Variants in OXA1L observed in about 807,000 individuals in gnomAD.
The protein encoded by OXA1L is OXA1L mitochondrial inner membrane insertase, also known as mitochondrial inner membrane protein OXA1L.
In OXA1L, 42 loss-of-function variants were observed where a neutral mutation model predicts 52.2. The ratio of observed to expected loss-of-function variants is 0.80; its 90% CI spans 0.63 to 1.04. OXA1L has a LOEUF of 1.04. Among genes scored for constraint, OXA1L ranks in the 50% least tolerant of loss-of-function variants. The probability of loss-of-function intolerance (pLI) is 0.00; values close to 1 mark genes in which losing one functional copy is unlikely to be tolerated. For synonymous variants in OXA1L, 239 were observed against 201.9 expected, an observed-to-expected ratio of 1.18 and a Z score of -1.56; for missense variants, 572 against 555.0, an observed-to-expected ratio of 1.03 and a Z score of -0.31.
intron 1 of OXA1L, 41 bp from the exon 2 acceptor site, chr14:22,767,207 G>A (rs757162454): frequency 1.9e-6 from 3 of 1,580,082 alleles, no homozygotes; most frequent in Non-Finnish European, 1.7e-6. Flanking sequence ...GAGGACTTCT[G>A]CTCCCGGTAA....
In OXA1L at chr14:22,767,878, G is replaced by C. The variant is rs1359156223; in HGVS notation, c.226-80G>C. 5 of 1,100,980 alleles carry C rather than the reference G, an allele frequency of 4.5e-6. No homozygotes were observed. The Admixed American group carries it at 1.1e-4, about 25-fold the overall frequency. The allele number at this position is 1,100,980 out of a possible 1,614,324, so 68.2% of individuals were successfully genotyped here. A position where few individuals can be genotyped will look rare whatever the true frequency, so the allele number is the denominator to read the frequency against. On this transcript the variant is annotated intron_variant, in intron 2 of 9. Transcript: ENST00000612549. The stretch of plus-strand genomic sequence containing the variant: ...CAAGAAGTAGAGAGAACAGAACCCA[G>C]TACTGGTTATTATAAAAAGATCTCA...
rs544179170 is a variant in OXA1L, at chr14:22,771,128, T to C, written c.1050T>C (p.His350=). The C allele has an allele frequency of 4.3e-6, 7 of 1,614,148 alleles. No homozygotes were observed. In the African/African-American group the frequency reaches 9.3e-5, roughly 22 times the overall value. Residue 350 remains histidine (H), a synonymous_variant, in exon 8 of 10, where the codon CAT becomes CAC. Transcript: ENST00000612549. Reference sequence around the variant, plus strand: ...TTAAAATCCCCCAGCGTGTTGTACATGACCTGGACAAATTACCTCCACGGG... The same window carrying C: ...TTAAAATCCCCCAGCGTGTTGTACACGACCTGGACAAATTACCTCCACGGG... ...TVLKIPQRVV[H]DLDKLPPREG...
In OXA1L at chr14:22,769,807, C is replaced by G; in HGVS notation, c.456C>G (p.Arg152=). Residue 152 remains arginine, a synonymous_variant, in exon 4 of 10, where the codon CGC becomes CGG. Coordinates refer to ENST00000612549, the MANE Select transcript of OXA1L (RefSeq NM_005015.5). ...GAIAACTVFA[R]CLIFPLIVTG... is the part of the protein sequence containing the mutation. The stretch of plus-strand genomic sequence containing the variant: ...ATTTTCCAGGTACAGTCTTTGCCCG[C>G]TGCCTGATTTTTCCTCTCATCGTGA... The G allele has an allele frequency of 6.2e-7, 1 of 1,614,218 alleles. No individual in the cohort carries two copies. The highest frequency in any genetic ancestry group is 8.5e-7 in the Non-Finnish European group (1 of 1,180,038).
chr14:22,767,985 A>C lies in OXA1L; in HGVS notation c.253A>C (p.Thr85Pro). ...TCAGGCCCCTCCTGTTGTTGCTGCA[A>C]CTCCCTCACCCACAGCAGTACCTGA... ...QVQAPPVVAA[T>P]PSPTAVPEVA... Residue 85 changes from threonine (T) to proline (P), a missense_variant, in exon 3 of 10, where the codon ACT (threonine) becomes CCT (proline). Thr to Pro is a conservative substitution (Grantham distance 38). Transcript: ENST00000612549. The C allele has an allele frequency of 1.2e-6, 2 of 1,612,992 alleles. No individual in the cohort carries two copies. Among genetic ancestry groups the C allele is most frequent in the South Asian group, 1.1e-5 (1 of 91,066 alleles).
In OXA1L at chr14:22,772,951, C is replaced by T. The variant is rs959607423; in HGVS notation, c.*1393C>T. On this transcript the variant is annotated 3_prime_UTR_variant, in exon 10 of 10. Coordinates refer to ENST00000612549, the MANE Select transcript of OXA1L (RefSeq NM_005015.5). ...GCTGCAGTGATCCAAGATCATGCTG[C>T]TATACTCCAGCCTTGGCTACAGAGC... The T allele has an allele frequency of 4.4e-6, 1 of 229,544 alleles. No individual in the cohort carries two copies. The highest frequency in any genetic ancestry group is 8.6e-6 in the Non-Finnish European group (1 of 115,826). The allele number at this position is 229,544 out of a possible 1,614,324, so 14.2% of individuals were successfully genotyped here. A position where few individuals can be genotyped will look rare whatever the true frequency, so the allele number is the denominator to read the frequency against.
At chr14:22,770,961 C>T (rs1017390259) in intron 7 of OXA1L, 52 bp downstream of exon 7, 1 of 1,612,680 alleles carries the variant, frequency 6.2e-7, no homozygotes, top group Non-Finnish European at 8.5e-7. Context: ...AGCCTAGCCA[C>T]CTAGCAAGCT....
At position 22,772,659 on chromosome 14, in the gene OXA1L, A is replaced by T. The variant is rs1346214748; in HGVS notation, c.*1101A>T. On this transcript the variant is annotated 3_prime_UTR_variant, in exon 10 of 10. Coordinates refer to ENST00000612549, the MANE Select transcript of OXA1L (RefSeq NM_005015.5). ...TCTTGATCCCAAGATTACTTTAAAA[A>T]TTTCAAGAAGTAGATGTGTGCAAAT... 6.6e-6 allele frequency: 1 copy of T among 152,300 alleles called. No homozygotes were observed. The highest frequency in any genetic ancestry group is 1.9e-4 in the East Asian group (1 of 5,208). 9.4% of individuals were successfully genotyped at this position (152,300 alleles called of 1,614,324 possible).
chr14:22,767,194 C>T (rs1278324080), intron 1 of OXA1L, 54 bp from the exon 2 acceptor site: 2 of 1,571,840 alleles, frequency 1.3e-6, no homozygotes, highest in African/African-American at 1.4e-5. Context: ...TTTGCACCCA[C>T]GCGAGGACTT....
intron 3 of OXA1L, among the ~76,000 whole-genome samples, chr14:22,769,250 T>A (rs1449473174): frequency 6.6e-6 from 1 of 152,192 alleles, no homozygotes; most frequent in African/African-American, 2.4e-5. Context: ...TCTCTGCCCA[T>A]GATTTCATTT....
rs2038451987 is a variant in OXA1L at position 22,770,799 on chromosome 14, T to C, written c.835-6T>C. On this transcript the variant is annotated splice_region_variant and splice_polypyrimidine_tract_variant and intron_variant, in intron 6 of 9. Transcript: ENST00000612549. Reference sequence around the variant, plus strand: ...CCCGACTTTTCCACCCCACTTCTTTTGGCAGCTAGGTGCTGAGACAGGTGT... The same window carrying C: ...CCCGACTTTTCCACCCCACTTCTTTCGGCAGCTAGGTGCTGAGACAGGTGT... 1 of 1,613,240 alleles carries C rather than the reference T, an allele frequency of 6.2e-7. No homozygotes were observed.
At chr14:22,769,190 C>G (rs1160336285) in intron 3 of OXA1L, among the ~76,000 whole-genome samples, 1 of 152,188 alleles carries the variant, frequency 6.6e-6, no homozygotes, top group Non-Finnish European at 1.5e-5. Context: ...TACCCATTAA[C>G]TATTCCCAAC....
In OXA1L at chr14:22,770,260, C is replaced by T; in HGVS notation, c.651C>T (p.Leu217=). Residue 217 remains leucine (L), a synonymous_variant, in exon 5 of 10, where the codon CTC becomes CTT. Transcript: ENST00000612549. The stretch of plus-strand genomic sequence containing the variant: ...ATGGTATTAAACTCTATAAACCTCT[C>T]ATTCTCCCTGTGACTCAGGTGAGCA... ...KKHGIKLYKP[L]ILPVTQAPIF... The T allele has an allele frequency of 6.2e-7, 1 of 1,608,498 alleles. No homozygotes were observed. Among genetic ancestry groups the T allele is most frequent in the Non-Finnish European group, 8.5e-7 (1 of 1,174,912 alleles).
intron 2 of OXA1L, 64 bp downstream of exon 2, chr14:22,767,473 T>C: frequency 6.9e-7 from 1 of 1,453,146 alleles, no homozygotes; most frequent in East Asian, 2.3e-5. Context: ...CATATTTTGT[T>C]TTGTTTGGGA....
chr14:22,770,238 G>A lies in OXA1L; in HGVS notation c.629G>A (p.Gly210Asp), dbSNP rs745319233. ...ATGGCACTTTACCAGAAAAAACATG[G>A]TATTAAACTCTATAAACCTCTCATT... ...SEMALYQKKH[G>D]IKLYKPLILP... Residue 210 changes from glycine to aspartate, a missense_variant, in exon 5 of 10, where the codon GGT becomes GAT. Physicochemically the swap from Gly to Asp is moderately conservative, Grantham distance 94. Around this residue, in one of 5 missense-constraint regions of OXA1L, gnomAD observed 132 missense variants for 124.0 expected, o/e 1.06. Transcript: ENST00000612549. 11 of 1,612,576 alleles carry A rather than the reference G, an allele frequency of 6.8e-6. No homozygotes were observed. The highest frequency in any genetic ancestry group is 8.5e-6 in the Non-Finnish European group (10 of 1,178,666).
chr14:22,770,332 T>C, intron 5 of OXA1L, 54 bp downstream of exon 5: 1 of 1,528,394 alleles, frequency 6.5e-7, no homozygotes, highest in Non-Finnish European at 9.1e-7. Flanking sequence ...AAATTTCCTC[T>C]CTGTGTTTCA....
In OXA1L at chr14:22,771,561, T is replaced by G. The variant is rs1566435819; in HGVS notation, c.*3T>G. 2 of 1,614,200 alleles carry G rather than the reference T, an allele frequency of 1.2e-6. No individual in the cohort carries two copies. Among genetic ancestry groups the G allele is most frequent in the Non-Finnish European group, 8.5e-7 (1 of 1,180,000 alleles). On this transcript the variant is annotated 3_prime_UTR_variant, in exon 10 of 10. Transcript: ENST00000612549. ...CCTGGCACGACACACTTGGCTGACT[T>G]ATGTTCTGTGCGCATTCTGGCAGGA...
chr14:22,766,736 T>C lies in OXA1L; in HGVS notation c.35T>C (p.Leu12Pro), dbSNP rs759249106. 12 of 1,614,224 alleles carry C rather than the reference T, an allele frequency of 7.4e-6. No homozygotes were observed. Among genetic ancestry groups the C allele is most frequent in the Non-Finnish European group, 1.0e-5 (12 of 1,180,042 alleles). Residue 12 changes from leucine (L) to proline (P), a missense_variant, in exon 1 of 10, where the codon CTT becomes CCT. Coordinates refer to ENST00000612549, the MANE Select transcript of OXA1L (RefSeq NM_005015.5). ...GGACTAATGTGCGGACGCCGGGAGC[T>C]TCTGCGCTTGCTACAGTCCGGGCGT... ...AMGLMCGRRE[L>P]LRLLQSGRRV...
rs778844353 is a variant in OXA1L at position 22,767,289 on chromosome 14, G to A, written c.105G>A (p.Pro35=). ...GGCCCTCGCAATGGCTTGGGAAACC[G>A]CTGACCACACGGCTCCTATTCCCAG... ...VAGPSQWLGK[P]LTTRLLFPAA... The change falls in exon 2 of 10, where the codon CCG becomes CCA. Residue 35 remains proline (P), a synonymous_variant. Transcript: ENST00000612549. 5 of 1,612,802 alleles carry A rather than the reference G, an allele frequency of 3.1e-6. No homozygotes were observed. The highest frequency in any genetic ancestry group is 4.2e-6 in the Non-Finnish European group (5 of 1,179,730).
In OXA1L at chr14:22,770,795, C is replaced by CT; in HGVS notation, c.835-6dup. ...CTTTCCCGACTTTTCCACCCCACTT[C>CT]TTTTGGCAGCTAGGTGCTGAGACAG... On this transcript the variant is annotated splice_polypyrimidine_tract_variant and intron_variant, in intron 6 of 9. Coordinates refer to ENST00000612549, the MANE Select transcript of OXA1L (RefSeq NM_005015.5). 6.2e-7 allele frequency: 1 copy of CT among 1,612,884 alleles called. No homozygotes were observed. Among genetic ancestry groups the CT allele is most frequent in the South Asian group, 1.1e-5 (1 of 91,044 alleles).
Sources: gnomAD v4.1 joint callset for allele counts (sites outside exome capture counted in the v4.1 genomes callset) on GRCh38, gnomAD v4.1.1 for gene constraint, gnomAD v4.1.1 regional missense constraint, MANE v1.5 for transcripts, NCBI Gene and HGNC (gene_info 2026-07-23, HGNC 2026-07-21) for gene names.